HELZ: variants seen among roughly 807,000 people sequenced by gnomAD.
HELZ encodes the protein ATP-dependent RNA helicase with zinc finger domain.
Under a neutral mutation model 218.2 loss-of-function variants are expected in HELZ, and 23 were observed. The ratio of observed to expected loss-of-function variants is 0.11; its 90% CI spans 0.08 to 0.15. HELZ has a LOEUF of 0.15. HELZ is among the 10% of genes least tolerant of loss of function. The pLI is 1.00. For missense variants in HELZ, 1,813 were observed against 2,353.7 expected (o/e 0.77, Z 4.75); for synonymous variants, 814 against 829.4 (o/e 0.98, Z 0.32).
chr17:67,171,042 T>G (rs945888936), intron 13 of HELZ, among the ~76,000 whole-genome samples: 5 of 141,032 alleles, frequency 3.5e-5, no homozygotes. Flanking sequence ...GTACAGTTTT[T>G]TTTTTTTTTC....
chr17:67,181,952 G>A (rs7211843), intron 12 of HELZ, among the ~76,000 whole-genome samples: 31,497 of 151,824 alleles, frequency 0.21, 3,532 homozygotes, highest in African/African-American at 0.3. Flanking sequence ...GTGCTTAAAG[G>A]TCACCTCATA....
At chr17:67,080,756 T>A (rs970600035) in intron 32 of HELZ, among the ~76,000 whole-genome samples, 1 of 152,176 alleles carries the variant, frequency 6.6e-6, no homozygotes, top group Non-Finnish European at 1.5e-5. Flanking sequence ...GGCTGATATG[T>A]CCTAAGGGAG....
chr17:67,148,524 T>A (rs374918944), intron 20 of HELZ, 45 bp downstream of exon 20: 282 of 1,570,192 alleles, frequency 1.8e-4, no homozygotes, highest in Non-Finnish European at 2.3e-4. Context: ...CCTCCTACTA[T>A]CAGACCAACG....
chr17:67,134,610 T>C (rs935342342), intron 23 of HELZ, among the ~76,000 whole-genome samples: 2 of 152,140 alleles, frequency 1.3e-5, no homozygotes, highest in Admixed American at 1.3e-4. Flanking sequence ...ATAAAGGATA[T>C]TAACTTTTTG....
intron 2 of HELZ, among the ~76,000 whole-genome samples, 166 bp downstream of exon 2, chr17:67,243,618 A>G (rs145663136): frequency 0.011 from 1,628 of 152,366 alleles, 19 homozygotes; most frequent in South Asian, 0.018. Flanking sequence ...TACATTCAAC[A>G]TATTTTTCCT....
At chr17:67,160,429 CA>C (rs377221820) in intron 16 of HELZ, 67 bp from the exon 17 acceptor site, 17,592 of 834,796 alleles carry the variant, frequency 0.021, 12 homozygotes, top group South Asian at 0.033. Context: ...AGTATAATAC[CA>C]AAAAAAAAAG....
chr17:67,108,362 G>C lies in HELZ; in HGVS notation c.4724+130C>G. ...AGAGTCAACAAGAGAACTGTGTAGC[G>C]TGTGCTTGGAAGGCCAGCATCCAAT... On this transcript the variant is annotated intron_variant, in intron 30 of 32. Coordinates refer to ENST00000358691, the MANE Select transcript of HELZ (RefSeq NM_014877.4). The surrounding 1 kb of genome is among the most constrained non-coding windows in gnomAD (Gnocchi z 4.1). The C allele has an allele frequency of 1.5e-6, 1 of 679,676 alleles. No homozygotes were observed. The highest frequency in any genetic ancestry group is 4.0e-4 in the Middle Eastern group (1 of 2,530). The allele number at this position is 679,676 out of a possible 1,614,324, so 42.1% of individuals were successfully genotyped here. A position where few individuals can be genotyped will look rare whatever the true frequency, so the allele number is the denominator to read the frequency against.
chr17:67,149,785 T>C (rs1048848370), intron 19 of HELZ, 82 bp downstream of exon 19: 3 of 750,508 alleles, frequency 4.0e-6, no homozygotes, highest in East Asian at 2.7e-5. Flanking sequence ...CATAATGTCA[T>C]AGGATGTTTT....
At chr17:67,230,803 T>C (rs1055700221) in intron 3 of HELZ, among the ~76,000 whole-genome samples, 1 of 152,110 alleles carries the variant, frequency 6.6e-6, no homozygotes. Flanking sequence ...ATCTTCAATT[T>C]ACCAACAGAT....
In HELZ at chr17:67,188,765, G is replaced by T. The variant is rs556610952; in HGVS notation, c.865-149C>A. 1.5e-4 allele frequency: 93 copies of T among 617,646 alleles called. No individual in the cohort carries two copies. The African/African-American group carries it at 1.5e-3, about 10-fold the overall frequency. 38.3% of individuals were successfully genotyped at this position (617,646 alleles called of 1,614,324 possible). On this transcript the variant is annotated intron_variant, in intron 11 of 32. Coordinates refer to ENST00000358691, the MANE Select transcript of HELZ (RefSeq NM_014877.4). The surrounding 1 kb of genome is among the most constrained non-coding windows in gnomAD (Gnocchi z 4.1). ...GCCATTTAAGAAAAAAATCAGAATG[G>T]TTTTTTAAAATCAGTTGTTAAAATT... is the stretch of plus-strand genomic sequence containing the variant.
chr17:67,201,629 T>C (rs1385671332), intron 6 of HELZ, among the ~76,000 whole-genome samples: 1 of 152,174 alleles, frequency 6.6e-6, no homozygotes, highest in East Asian at 1.9e-4. Flanking sequence ...TAAAAATGGC[T>C]CTTTAATAAA....
chr17:67,197,763 T>C (rs562486720), intron 7 of HELZ, among the ~76,000 whole-genome samples: 49 of 152,354 alleles, frequency 3.2e-4, no homozygotes, highest in African/African-American at 1.1e-3. Context: ...ATGTGGTTGA[T>C]TAAATTGTAC....
At chr17:67,082,912 A>T (rs2143550031) in intron 32 of HELZ, among the ~76,000 whole-genome samples, 1 of 140,260 alleles carries the variant, frequency 7.1e-6, no homozygotes, top group South Asian at 2.2e-4. Context: ...GCTGGAGTGC[A>T]GTGGTGTGAT....
At chr17:67,115,486 G>A (rs1047337763) in intron 27 of HELZ, among the ~76,000 whole-genome samples, 2 of 151,860 alleles carry the variant, frequency 1.3e-5, no homozygotes, top group Non-Finnish European at 2.9e-5. Context: ...CAAGAAACAG[G>A]AAGAAAACTA....
chr17:67,124,835 C>T (rs1014114330), intron 24 of HELZ, among the ~76,000 whole-genome samples: 5 of 151,800 alleles, frequency 3.3e-5, no homozygotes, highest in Non-Finnish European at 7.4e-5. Context: ...TGGGCAGAAA[C>T]AGTATTTGAA....
intron 21 of HELZ, among the ~76,000 whole-genome samples, chr17:67,142,925 T>G (rs528295119): frequency 6.7e-4 from 102 of 151,876 alleles, no homozygotes; most frequent in African/African-American, 2.4e-3. Context: ...CCCAGCTAAT[T>G]TTTTTGTATT....
chr17:67,153,417 T>C (rs2038748742), intron 17 of HELZ, among the ~76,000 whole-genome samples: 1 of 152,228 alleles, frequency 6.6e-6, no homozygotes, highest in African/African-American at 2.4e-5. Flanking sequence ...TGATGGCTTC[T>C]ACTCCGTCAG....
At chr17:67,123,274 T>G in intron 25 of HELZ, 114 bp from the exon 26 acceptor site, 1 of 578,482 alleles carries the variant, frequency 1.7e-6, no homozygotes, top group Middle Eastern at 4.5e-4. Flanking sequence ...TAAGATATCT[T>G]ATCATCAAAG....
At chr17:67,180,928 G>T (rs140131251) in intron 12 of HELZ, among the ~76,000 whole-genome samples, 23 of 146,890 alleles carry the variant, frequency 1.6e-4, no homozygotes, top group African/African-American at 5.6e-4. Context: ...TGGCATGCAC[G>T]TGTAATCCCA....
Sources: gnomAD v4.1 joint callset for allele counts (sites outside exome capture counted in the v4.1 genomes callset) on GRCh38, gnomAD v4.1.1 for gene constraint, Gnocchi (gnomAD v3.1) non-coding constraint, MANE v1.5 for transcripts, NCBI Gene and HGNC (gene_info 2026-07-23, HGNC 2026-07-21) for gene names.